The following ATP11B variants were observed in gnomAD, a reference collection of about 807,000 sequenced individuals.
The protein encoded by ATP11B is phospholipid-transporting ATPase IF.
In ATP11B, 81 loss-of-function variants were observed where a neutral mutation model predicts 157.8. That is an observed-to-expected ratio of 0.51 (90% confidence interval 0.43 to 0.62). The LOEUF is 0.62. Among genes scored for constraint, ATP11B ranks in the 20% least tolerant of loss-of-function variants. ATP11B has a pLI of 0.00. For missense variants in ATP11B, 1,165 were observed against 1,402.2 expected, an observed-to-expected ratio of 0.83 and a Z score of 2.70; for synonymous variants, 451 against 469.4, an observed-to-expected ratio of 0.96 and a Z score of 0.51.
At chr3:182,879,812 CT>C (rs1722295664) in intron 20 of ATP11B, among the ~76,000 whole-genome samples, 163 bp downstream of exon 20, 1 of 152,306 alleles carries the variant, frequency 6.6e-6, no homozygotes, top group African/African-American at 2.4e-5. Flanking sequence ...GTACATCAGA[CT>C]TTTGGAATTC....
intron 3 of ATP11B, 139 bp from the exon 4 acceptor site, chr3:182,829,533 C>T: frequency 1.5e-6 from 1 of 651,402 alleles, no homozygotes; most frequent in Admixed American, 3.1e-5. Context: ...CTTCCAACCC[C>T]ACATAATAGC....
At chr3:182,872,328 GTCT>G (rs983657822) in intron 17 of ATP11B, 25 bp from the exon 18 acceptor site, 2 of 1,454,892 alleles carry the variant, frequency 1.4e-6, no homozygotes, top group Non-Finnish European at 1.9e-6. Flanking sequence ...TTCAATTTTT[GTCT>G]TTAATTTTTA....
chr3:182,832,443 A>C (rs1718224265), intron 4 of ATP11B, among the ~76,000 whole-genome samples: 1 of 152,196 alleles, frequency 6.6e-6, no homozygotes, highest in South Asian at 2.1e-4. Context: ...TTCTCATTTA[A>C]ATACACAGAA....
At chr3:182,797,175 C>T (rs1005193653) in intron 1 of ATP11B, among the ~76,000 whole-genome samples, 2 of 152,212 alleles carry the variant, frequency 1.3e-5, no homozygotes, top group African/African-American at 4.8e-5. Context: ...GCTGTCCATA[C>T]TCCATCAGTT....
intron 25 of ATP11B, 55 bp downstream of exon 25, chr3:182,889,603 T>G (rs1261561690): frequency 7.2e-7 from 1 of 1,393,958 alleles, no homozygotes; most frequent in African/African-American, 1.5e-5. Context: ...GGGTTTTTTA[T>G]AGCTTTTGTC....
chr3:182,902,566 G>A, intron 28 of ATP11B: 10 of 1,288,808 alleles, frequency 7.8e-6, no homozygotes, highest in Non-Finnish European at 1.0e-5. Context: ...AGCAAACTTA[G>A]GTAGAGTAGG....
chr3:182,842,171 G>C (rs766199091), intron 8 of ATP11B, 49 bp downstream of exon 8: 1 of 1,345,960 alleles, frequency 7.4e-7, no homozygotes, highest in Admixed American at 1.8e-5. Flanking sequence ...GGAACTGTTT[G>C]GGGGAGGGAC....
intron 10 of ATP11B, among the ~76,000 whole-genome samples, chr3:182,854,469 T>C (rs1339336694): frequency 8.2e-6 from 1 of 121,734 alleles, no homozygotes; most frequent in African/African-American, 2.5e-5. Context: ...AAACTCCATC[T>C]AAAAAAACAA....
rs913898766 is a variant in ATP11B, at chr3:182,793,619, G to T, written c.-141G>T. 2.3e-4 allele frequency: 101 copies of T among 430,216 alleles called. No individual in the cohort carries two copies. Among genetic ancestry groups the T allele is most frequent in the East Asian group, 2.3e-4 (6 of 25,938 alleles). The allele number at this position is 430,216 out of a possible 1,614,324, so 26.6% of individuals were successfully genotyped here. A position where few individuals can be genotyped will look rare whatever the true frequency, so the allele number is the denominator to read the frequency against. ...GCCGCGGGATGGGGACGCGGCGCGG[G>T]GAGTGAGGCAGTGGCGGCGGCGGCG... On this transcript the variant is annotated 5_prime_UTR_variant, in exon 1 of 30. Coordinates refer to ENST00000323116, the MANE Select transcript of ATP11B (RefSeq NM_014616.3).
intron 24 of ATP11B, 49 bp downstream of exon 24, chr3:182,887,762 A>C: frequency 6.4e-7 from 1 of 1,557,858 alleles, no homozygotes; most frequent in Non-Finnish European, 8.7e-7. Context: ...TTTAAGTAAA[A>C]AATAAGCAGA....
chr3:182,809,546 G>T (rs1716527396), intron 1 of ATP11B, among the ~76,000 whole-genome samples: 1 of 152,174 alleles, frequency 6.6e-6, no homozygotes, highest in Admixed American at 6.5e-5. Flanking sequence ...ACCACGCCCT[G>T]CCCGCTCTGT....
intron 12 of ATP11B, among the ~76,000 whole-genome samples, chr3:182,862,331 A>G (rs911401140): frequency 1.3e-5 from 2 of 151,974 alleles, no homozygotes; most frequent in Non-Finnish European, 2.9e-5. Context: ...ATCAGAAGCT[A>G]TTGATTCAGT....
At position 182,921,468 on chromosome 3, in the gene ATP11B, T is replaced by C. The variant is rs1418742713; in HGVS notation, c.*3364T>C. 6.6e-6 allele frequency: 1 copy of C among 152,184 alleles called. No individual in the cohort carries two copies. The highest frequency in any genetic ancestry group is 1.5e-5 in the Non-Finnish European group (1 of 68,032). 9.4% of individuals were successfully genotyped at this position (152,184 alleles called of 1,614,324 possible). On this transcript the variant is annotated 3_prime_UTR_variant, in exon 30 of 30. Coordinates refer to ENST00000323116, the MANE Select transcript of ATP11B (RefSeq NM_014616.3). ...TGAGTATCTGGAAATATTGTAGCAA[T>C]ACTTGGTTTAAAATTTTGGACCTGA...
intron 14 of ATP11B, among the ~76,000 whole-genome samples, chr3:182,866,721 A>G (rs1464362520): frequency 2.0e-5 from 3 of 150,658 alleles, no homozygotes; most frequent in Non-Finnish European, 3.0e-5. Context: ...GCTTGTGCAT[A>G]TGTTGTACTA....
intron 10 of ATP11B, among the ~76,000 whole-genome samples, chr3:182,854,294 AC>A (rs1261671098): frequency 1.3e-5 from 2 of 152,094 alleles, no homozygotes; most frequent in South Asian, 2.1e-4. Context: ...ACATGGAGAA[AC>A]CCTGTCTCTA....
chr3:182,794,396 A>G (rs1363367235), intron 1 of ATP11B, among the ~76,000 whole-genome samples: 3 of 152,138 alleles, frequency 2.0e-5, no homozygotes, highest in Non-Finnish European at 4.4e-5. Context: ...CTGCCGGTCT[A>G]GCTTCGGAAA....
chr3:182,909,782 G>T (rs1724635902), intron 28 of ATP11B, among the ~76,000 whole-genome samples: 1 of 152,162 alleles, frequency 6.6e-6, no homozygotes. Flanking sequence ...AAGCAGCTGA[G>T]GCTGGCCACG....
intron 1 of ATP11B, among the ~76,000 whole-genome samples, chr3:182,810,080 C>T (rs1576954372): frequency 6.6e-6 from 1 of 152,116 alleles, no homozygotes; most frequent in South Asian, 2.1e-4. Context: ...CACGGTGGCT[C>T]ATGCACTTTG....
At chr3:182,908,358 G>A (rs1430449936) in intron 28 of ATP11B, 19 of 151,520 alleles carry the variant, frequency 1.3e-4, no homozygotes, top group Admixed American at 1.1e-3. Flanking sequence ...TACACACGCA[G>A]CTAATTTTTG....
Sources: gnomAD v4.1 joint callset for allele counts (sites outside exome capture counted in the v4.1 genomes callset) on GRCh38, gnomAD v4.1.1 for gene constraint, MANE v1.5 for transcripts, NCBI Gene and HGNC (gene_info 2026-07-23, HGNC 2026-07-21) for gene names.